LRFN5: variants seen among roughly 807,000 people sequenced by gnomAD.
LRFN5 encodes leucine rich repeat and fibronectin type III domain containing 5.
Under a neutral mutation model 45.6 loss-of-function variants are expected in LRFN5, and 24 were observed. The observed-to-expected ratio is 0.53, with a 90% CI of 0.38 to 0.74. The LOEUF (loss-of-function observed/expected upper bound fraction) is 0.74. LRFN5 is among the 30% of genes least tolerant of loss of function. The pLI is 0.00. For missense variants in LRFN5, 776 were observed against 861.5 expected, an observed-to-expected ratio of 0.90 and a Z score of 1.24; for synonymous variants, 340 against 313.8, an observed-to-expected ratio of 1.08 and a Z score of -0.88.
intron 2 of LRFN5, among the ~76,000 whole-genome samples, chr14:41,868,464 T>C (rs888099585): frequency 1.3e-5 from 2 of 152,142 alleles, no homozygotes; most frequent in Non-Finnish European, 2.9e-5. Context: ...TTAGTGATAA[T>C]AGTGTTGGTA....
At chr14:41,697,304 T>A (rs1015718345) in intron 1 of LRFN5, among the ~76,000 whole-genome samples, 1 of 151,912 alleles carries the variant, frequency 6.6e-6, no homozygotes, top group Non-Finnish European at 1.5e-5. Context: ...TTTAATTTTT[T>A]AATTTCTTTT....
At chr14:41,749,063 G>A (rs1423436249) in intron 1 of LRFN5, among the ~76,000 whole-genome samples, 3 of 152,126 alleles carry the variant, frequency 2.0e-5, no homozygotes, top group Non-Finnish European at 2.9e-5. Flanking sequence ...GTTTTATAAT[G>A]AACTCACTGT....
intron 1 of LRFN5, among the ~76,000 whole-genome samples, chr14:41,718,056 T>C (rs1883562835): frequency 6.6e-6 from 1 of 152,156 alleles, no homozygotes; most frequent in Admixed American, 6.5e-5. Flanking sequence ...TCCTAGCATC[T>C]TGTTTTACAT....
At chr14:41,717,639 A>G (rs557601530) in intron 1 of LRFN5, among the ~76,000 whole-genome samples, 1 of 152,190 alleles carries the variant, frequency 6.6e-6, no homozygotes, top group Non-Finnish European at 1.5e-5. Flanking sequence ...AAAGTTGGGT[A>G]TTCTGTAACT....
Position 41,887,691 on chromosome 14 carries a change from A to G in LRFN5, c.1066A>G (p.Thr356Ala). The G allele has an allele frequency of 6.2e-7, 1 of 1,614,196 alleles. No individual in the cohort carries two copies. The part of the protein sequence containing the change: ...ITTVKDTGAF[T>A]CIASNPAGEA... ...AACTGTAAAGGATACAGGTGCTTTT[A>G]CCTGCATTGCTTCCAATCCTGCTGG... The change falls in exon 3 of 6, where the codon ACC (threonine) becomes GCC (alanine). Residue 356 changes from threonine to alanine, a missense_variant. By Grantham distance (58) the Thr-to-Ala change is moderately conservative. Coordinates refer to ENST00000298119, the MANE Select transcript of LRFN5 (RefSeq NM_152447.5). The surrounding 1 kb of genome is among the most constrained non-coding windows in gnomAD (Gnocchi z 4.8).
rs1284869205 is a variant in LRFN5 at position 41,608,058 on chromosome 14, G to T, written c.-701G>T. 7 of 152,332 alleles carry T rather than the reference G, an allele frequency of 4.6e-5. No homozygotes were observed. The highest frequency in any genetic ancestry group is 3.3e-4 in the Admixed American group (5 of 15,302). The allele number at this position is 152,332 out of a possible 1,614,324, so 9.4% of individuals were successfully genotyped here. On this transcript the variant is annotated 5_prime_UTR_variant, in exon 1 of 6. The change creates a premature stop within an existing upstream ORF in the 5' untranslated region. Transcript: ENST00000298119. ...TCTTGAATTACGTGGATTCGGGTTG[G>T]AGGAGAACTTGAAGGAAACGTGATT...
intron 2 of LRFN5, among the ~76,000 whole-genome samples, chr14:41,803,330 G>T (rs1594423045): frequency 6.6e-6 from 1 of 151,504 alleles, no homozygotes; most frequent in Non-Finnish European, 1.5e-5. Context: ...AACTCATTGA[G>T]CAGTGCATTT....
At chr14:41,733,656 T>A (rs1372514221) in intron 1 of LRFN5, 1 of 152,084 alleles carries the variant, frequency 6.6e-6, no homozygotes. Flanking sequence ...TGGGAAATTG[T>A]AAAAGTCATA....
intron 2 of LRFN5, among the ~76,000 whole-genome samples, chr14:41,882,997 C>T (rs190639036): frequency 2.1e-4 from 32 of 151,908 alleles, no homozygotes; most frequent in African/African-American, 7.5e-4. Context: ...TACAGTTGCA[C>T]GCCACCACAG....
rs142301191 is a variant in LRFN5 at position 41,891,312 on chromosome 14, A to G, written c.1448A>G (p.Asp483Gly). ...AATCTGGCTGCTGGAACTATGTATGACTTGTGTGTCTTGGCCATATATGAT... is the reference window on the plus strand; with the variant it reads ...AATCTGGCTGCTGGAACTATGTATGGCTTGTGTGTCTTGGCCATATATGAT... The part of the protein sequence containing the change: ...VNNLAAGTMY[D>G]LCVLAIYDDG... Residue 483 changes from aspartate (D) to glycine (G), a missense_variant, in exon 4 of 6, where the codon GAC (aspartate) becomes GGC (glycine). Around this residue, in one of 2 missense-constraint regions of LRFN5, gnomAD observed 465 missense variants for 456.4 expected, o/e 1.02. Transcript: ENST00000298119. The G allele has an allele frequency of 6.2e-7, 1 of 1,613,984 alleles. No homozygotes were observed. Among genetic ancestry groups the G allele is most frequent in the East Asian group, 2.2e-5 (1 of 44,866 alleles).
rs116219915 is a variant in LRFN5, at chr14:41,837,175, A to C, written c.-20-49431A>C. Among the ~76,000 whole-genome samples the C allele has an allele frequency of 7.1e-3, 904 of 127,362 alleles. 9 individuals carry two copies. The highest frequency in any genetic ancestry group is 0.026 in the African/African-American group (863 of 33,232). The allele number at this position is 127,362 out of a possible 152,430, so 83.6% of individuals were successfully genotyped here. The stretch of plus-strand genomic sequence containing the variant: ...GGCACTAAAGGGAATTTGAAGAATT[A>C]TCTCTCTCACACACTCCACAAAAAA... On this transcript the variant is annotated intron_variant, in intron 2 of 5. Coordinates refer to ENST00000298119, the MANE Select transcript of LRFN5 (RefSeq NM_152447.5).
At chr14:41,710,977 A>G (rs1883260454) in intron 1 of LRFN5, among the ~76,000 whole-genome samples, 1 of 114,614 alleles carries the variant, frequency 8.7e-6, no homozygotes. Flanking sequence ...TCCATGGTGT[A>G]TATGTGCTGA....
intron 1 of LRFN5, among the ~76,000 whole-genome samples, chr14:41,753,364 C>T (rs774747653): frequency 6.6e-6 from 1 of 152,126 alleles, no homozygotes; most frequent in Non-Finnish European, 1.5e-5. Flanking sequence ...GGCAGTATGG[C>T]CATTTTCACA....
intron 2 of LRFN5, among the ~76,000 whole-genome samples, chr14:41,879,275 A>G (rs1487284541): frequency 6.6e-6 from 1 of 152,066 alleles, no homozygotes; most frequent in Non-Finnish European, 1.5e-5. Flanking sequence ...TTGATTAACT[A>G]CAGATAAAGT....
chr14:41,893,688 T>C, intron 4 of LRFN5: 2 of 985,316 alleles, frequency 2.0e-6, no homozygotes, highest in Non-Finnish European at 2.4e-6. Flanking sequence ...ACACAATGTA[T>C]CATGATGCCA....
At chr14:41,619,053 T>TGCTA (rs5808146) in intron 1 of LRFN5, among the ~76,000 whole-genome samples, 151,519 of 152,264 alleles carry the variant, frequency 1, 75,393 homozygotes, top group South Asian at 1. Flanking sequence ...CTAGGAGTAA[T>TGCTA]TTCACCTAAA....
chr14:41,707,341 A>C (rs1883108618), intron 1 of LRFN5, among the ~76,000 whole-genome samples: 1 of 152,052 alleles, frequency 6.6e-6, no homozygotes, highest in Non-Finnish European at 1.5e-5. Context: ...TTTCCTCTTA[A>C]GTTTTATGTT....
At chr14:41,671,972 T>G (rs995258670) in intron 1 of LRFN5, among the ~76,000 whole-genome samples, 7 of 152,196 alleles carry the variant, frequency 4.6e-5, no homozygotes, top group Non-Finnish European at 7.3e-5. Context: ...TTACTAAGCA[T>G]CTAACCATGT....
intron 1 of LRFN5, among the ~76,000 whole-genome samples, chr14:41,742,158 T>G (rs1383994489): frequency 6.6e-6 from 1 of 151,790 alleles, no homozygotes; most frequent in Non-Finnish European, 1.5e-5. Context: ...AAATGTTACT[T>G]TTGGATATAT....
Sources: gnomAD v4.1 joint callset for allele counts (sites outside exome capture counted in the v4.1 genomes callset) on GRCh38, gnomAD v4.1.1 for gene constraint, gnomAD v4.1.1 regional missense constraint, Gnocchi (gnomAD v3.1) non-coding constraint, MANE v1.5 for transcripts, NCBI Gene and HGNC (gene_info 2026-07-23, HGNC 2026-07-21) for gene names.